The following FUZ variants were observed in gnomAD, a reference collection of about 807,000 sequenced individuals.
FUZ encodes the protein fuzzy planar cell polarity protein, also known as protein fuzzy homolog.
Under a neutral mutation model 43.1 loss-of-function variants are expected in FUZ, and 31 were observed. The observed-to-expected ratio is 0.72, with a 90% CI of 0.54 to 0.97. The LOEUF is 0.97. FUZ is among the 50% of genes least tolerant of loss of function. The pLI is 0.00. For missense variants in FUZ, 539 were observed against 543.8 expected (o/e 0.99, Z 0.09); for synonymous variants, 274 against 250.0 (o/e 1.10, Z -0.91).
Position 49,807,063 on chromosome 19 carries a change from C to G in FUZ, c.*88G>C, listed in dbSNP as rs759507651. On this transcript the variant is annotated 3_prime_UTR_variant, in exon 11 of 11. Transcript: ENST00000313777. ...TGTTGTAGCCCCTCCTACCCCCTCCCCATCCAGGGGCTGTGTATTATTGTG... is the reference window on the plus strand; with the variant it reads ...TGTTGTAGCCCCTCCTACCCCCTCCGCATCCAGGGGCTGTGTATTATTGTG... 3 of 1,591,862 alleles carry G rather than the reference C, an allele frequency of 1.9e-6. No individual in the cohort carries two copies. Among genetic ancestry groups the G allele is most frequent in the Non-Finnish European group, 2.6e-6 (3 of 1,174,272 alleles).
intron 3 of FUZ, 122 bp downstream of exon 3, chr19:49,812,128 AC>A: frequency 1.3e-6 from 1 of 765,372 alleles, no homozygotes; most frequent in Non-Finnish European, 2.3e-6. Context: ...AAACAAACAA[AC>A]AAAAGATTCC....
chr19:49,807,352 T>C lies in FUZ; in HGVS notation c.1056A>G (p.Thr352=), dbSNP rs901801881. ...FPPEPGPPEK[T]EDEVYQAQLP... is the part of the protein sequence containing the mutation. The stretch of plus-strand genomic sequence containing the variant: ...GCTGGGCCTGGTAGACCTCATCTTC[T>C]GTCTTCTCTGGTGGCCCTGGCTCTG... Residue 352 remains threonine (T), a synonymous_variant, in exon 11 of 11, where the codon ACA becomes ACG. Coordinates refer to ENST00000313777, the MANE Select transcript of FUZ (RefSeq NM_025129.5). 6.2e-7 allele frequency: 1 copy of C among 1,613,342 alleles called. No individual in the cohort carries two copies. The highest frequency in any genetic ancestry group is 8.5e-7 in the Non-Finnish European group (1 of 1,179,864).
chr19:49,807,324 G>C lies in FUZ; in HGVS notation c.1084C>G (p.Pro362Ala). 1.2e-6 allele frequency: 2 copies of C among 1,613,594 alleles called. No homozygotes were observed. The highest frequency in any genetic ancestry group is 1.7e-6 in the Non-Finnish European group (2 of 1,179,958). ...CCCAACACCAGGTAGCAAGCTCTGG[G>C]CAGCTGGGCCTGGTAGACCTCATCT... The part of the protein sequence containing the change: ...TEDEVYQAQL[P>A]RACYLVLGTE... Residue 362 changes from proline (P) to alanine (A), a missense_variant, in exon 11 of 11, where the codon CCC becomes GCC. Pro to Ala is a conservative substitution (Grantham distance 27). Coordinates refer to ENST00000313777, the MANE Select transcript of FUZ (RefSeq NM_025129.5).
rs1368409943 is a variant in FUZ at position 49,807,004 on chromosome 19, G to T, written c.*147C>A. 3.9e-6 allele frequency: 6 copies of T among 1,524,374 alleles called. No homozygotes were observed. Among genetic ancestry groups the T allele is most frequent in the Non-Finnish European group, 5.3e-6 (6 of 1,140,330 alleles). The allele number at this position is 1,524,374 out of a possible 1,614,324, so 94.4% of individuals were successfully genotyped here. ...CAAGCACAGAGGGGAGAGGGGCCAGGGAAGTGGATGTCTCCTCCCCTCCCA... is the reference window on the plus strand; with the variant it reads ...CAAGCACAGAGGGGAGAGGGGCCAGTGAAGTGGATGTCTCCTCCCCTCCCA... On this transcript the variant is annotated 3_prime_UTR_variant, in exon 11 of 11. Transcript: ENST00000313777.
chr19:49,811,506 G>A (rs1384601215), intron 4 of FUZ, 39 bp from the exon 5 acceptor site: 2 of 1,597,664 alleles, frequency 1.3e-6, no homozygotes, highest in Admixed American at 1.7e-5. Context: ...GATTCAAGTG[G>A]GCCCAGGGTC....
chr19:49,810,002 G>A, intron 5 of FUZ: 1 of 315,844 alleles, frequency 3.2e-6, no homozygotes. Context: ...CTGAGAGGCA[G>A]GAGGAAGAAC....
At chr19:49,811,081 G>T in intron 5 of FUZ, 1 of 476,368 alleles carries the variant, frequency 2.1e-6, no homozygotes, top group Admixed American at 3.2e-5. Flanking sequence ...AACCCGGGAG[G>T]CGCAGGCTGC....
intron 5 of FUZ, chr19:49,811,012 G>C (rs555641662): frequency 7.0e-5 from 26 of 374,008 alleles, no homozygotes; most frequent in South Asian, 5.4e-4. Context: ...TTAGCCGGGC[G>C]TAGTGGTGGG....
rs1386366052 is a variant in FUZ at position 49,808,812 on chromosome 19, G to T, written c.798C>A (p.Arg266=). Reference sequence around the variant, plus strand: ...ACGGGTCCAGCAGTGGCTGCCACCAGCGCTCCAGAAGCTGCAGGGGGCGTG... The same window carrying T: ...ACGGGTCCAGCAGTGGCTGCCACCATCGCTCCAGAAGCTGCAGGGGGCGTG... ...LSQLYPQLLE[R]WWQPLLDPLR... is the part of the protein sequence containing the mutation. The change falls in exon 8 of 11, where the codon CGC becomes CGA. Residue 266 remains arginine (R), a synonymous_variant. Transcript: ENST00000313777. 6.4e-7 allele frequency: 1 copy of T among 1,550,912 alleles called. No homozygotes were observed. Among genetic ancestry groups the T allele is most frequent in the Admixed American group, 1.9e-5 (1 of 51,282 alleles).
chr19:49,811,320 G>A (rs2073778295), intron 5 of FUZ, 43 bp downstream of exon 5: 1 of 1,374,124 alleles, frequency 7.3e-7, no homozygotes, highest in Non-Finnish European at 1.0e-6. Context: ...CTGAGCCAGG[G>A]CCAGCAGAAC....
chr19:49,811,789 G>A, intron 3 of FUZ, 90 bp from the exon 4 acceptor site: 1 of 1,080,486 alleles, frequency 9.3e-7, no homozygotes, highest in Non-Finnish European at 1.4e-6. Context: ...TCCCACTTCT[G>A]GGTCTGGGGA....
intron 10 of FUZ, 116 bp from the exon 11 acceptor site, chr19:49,807,490 A>C (rs2073449212): frequency 1.8e-6 from 2 of 1,095,612 alleles, no homozygotes; most frequent in South Asian, 2.7e-5. Flanking sequence ...AGGTTTTGGG[A>C]GCCTCCTGCC....
At position 49,807,025 on chromosome 19, in the gene FUZ, TCCCAC is replaced by T; in HGVS notation, c.*121_*125del. On this transcript the variant is annotated 3_prime_UTR_variant, in exon 11 of 11. Coordinates refer to ENST00000313777, the MANE Select transcript of FUZ (RefSeq NM_025129.5). Reference sequence around the variant, plus strand: ...CCAGGGAAGTGGATGTCTCCTCCCCTCCCACCCCACCCTGTTGTAGCCCCTCCTAC... The same window carrying T: ...CCAGGGAAGTGGATGTCTCCTCCCCTCCCACCCTGTTGTAGCCCCTCCTAC... 2 of 630,680 alleles carry T rather than the reference TCCCAC, an allele frequency of 3.2e-6. No individual in the cohort carries two copies. Among genetic ancestry groups the T allele is most frequent in the Non-Finnish European group, 2.2e-6 (1 of 451,520 alleles). The allele number at this position is 630,680 out of a possible 1,614,324, so 39.1% of individuals were successfully genotyped here. A position where few individuals can be genotyped will look rare whatever the true frequency, so the allele number is the denominator to read the frequency against.
intron 7 of FUZ, 144 bp from the exon 8 acceptor site, chr19:49,808,967 T>A (rs2073596134): frequency 2.3e-6 from 2 of 864,370 alleles, no homozygotes; most frequent in African/African-American, 3.4e-5. Flanking sequence ...CAGAAGGGAC[T>A]GGGGAAGGGG....
At chr19:49,811,017 G>T (rs140761778) in intron 5 of FUZ, 3,930 of 380,206 alleles carry the variant, frequency 0.01, 39 homozygotes, top group Non-Finnish European at 0.014. Flanking sequence ...CGGGCGTAGT[G>T]GTGGGCGCCT....
intron 10 of FUZ, 57 bp downstream of exon 10, chr19:49,808,357 C>T: frequency 6.4e-7 from 1 of 1,550,708 alleles, no homozygotes; most frequent in South Asian, 1.2e-5. Flanking sequence ...CCATTTTGTG[C>T]GACCTGGGAC....
Position 49,806,979 on chromosome 19 carries a change from C to A in FUZ, c.*172G>T, listed in dbSNP as rs752288488. On this transcript the variant is annotated 3_prime_UTR_variant, in exon 11 of 11. Transcript: ENST00000313777. ...AGTCCCCCTCCCTCCCTTTCCCCCC[C>A]AAGCACAGAGGGGAGAGGGGCCAGG... The A allele has an allele frequency of 4.2e-5, 65 of 1,530,146 alleles. No homozygotes were observed. The African/African-American group carries it at 8.5e-4, about 20-fold the overall frequency. The allele number at this position is 1,530,146 out of a possible 1,614,324, so 94.8% of individuals were successfully genotyped here.
chr19:49,809,627 G>T lies in FUZ; in HGVS notation c.493-52C>A. On this transcript the variant is annotated intron_variant, in intron 5 of 10. Coordinates refer to ENST00000313777, the MANE Select transcript of FUZ (RefSeq NM_025129.5). The surrounding 1 kb of genome is among the most constrained non-coding windows in gnomAD (Gnocchi z 5.1). ...GAGTCAGCAGACAAGCGTAGGGGGT[G>T]GCAGCGACTTCCCAGATGGGCAGGG... 1 of 1,528,960 alleles carries T rather than the reference G, an allele frequency of 6.5e-7. No homozygotes were observed. The highest frequency in any genetic ancestry group is 1.2e-5 in the South Asian group (1 of 84,126). 94.7% of individuals were successfully genotyped at this position (1,528,960 alleles called of 1,614,324 possible).
chr19:49,812,388 G>T, intron 2 of FUZ, 53 bp from the exon 3 acceptor site: 5 of 1,480,352 alleles, frequency 3.4e-6, no homozygotes, highest in Non-Finnish European at 4.7e-6. Flanking sequence ...TCAGGAAGGG[G>T]TATGTTGGAG....
Sources: allele counts gnomAD v4.1 joint callset, GRCh38; gene constraint gnomAD v4.1.1; non-coding constraint Gnocchi (gnomAD v3.1); transcripts MANE v1.5; gene names NCBI Gene and HGNC (gene_info 2026-07-23, HGNC 2026-07-21).